PTGER4: variants seen among roughly 807,000 people sequenced by gnomAD.
PTGER4 encodes prostaglandin E2 receptor EP4 subtype.
In PTGER4, 11 loss-of-function variants were observed where a neutral mutation model predicts 33.2. That is an observed-to-expected ratio of 0.33 (90% confidence interval 0.21 to 0.55). The LOEUF is 0.55. Ranked by LOEUF, PTGER4 falls within the 20% of genes least tolerant of loss-of-function variation. PTGER4 has a pLI of 0.92. For missense variants in PTGER4, 481 were observed against 650.2 expected (o/e 0.74, Z 2.83); for synonymous variants, 275 against 281.5 (o/e 0.98, Z 0.23).
At chr5:40,697,195 GAAAA>G (rs1284927798), downstream of PTGER4, among the ~76,000 whole-genome samples, 6 of 128,794 alleles carry the variant, frequency 4.7e-5, no homozygotes, top group East Asian at 1.1e-3. Flanking sequence ...AAGAAAGAAA[GAAAA>G]GAAAGAAAGA....
chr5:40,739,689 T>C, the PTGER4 span, among the ~76,000 whole-genome samples: 1 of 152,220 alleles, frequency 6.6e-6, no homozygotes, highest in Non-Finnish European at 1.5e-5. Context: ...GCCAACATTA[T>C]GCTTCCTATG....
downstream of PTGER4, among the ~76,000 whole-genome samples, chr5:40,694,637 C>T (rs892033713): frequency 1.3e-5 from 2 of 150,094 alleles, no homozygotes; most frequent in Non-Finnish European, 2.9e-5. Context: ...CTTATAAGGA[C>T]ACTAGTCATA....
chr5:40,698,229 G>T (rs1333954947), downstream of PTGER4, among the ~76,000 whole-genome samples: 1 of 151,156 alleles, frequency 6.6e-6, no homozygotes, highest in African/African-American at 2.4e-5. Flanking sequence ...AGTGAGCTAA[G>T]ATGGTGCCAC....
intron 2 of PTGER4, among the ~76,000 whole-genome samples, chr5:40,690,348 A>G (rs1741437536): frequency 6.6e-6 from 1 of 152,196 alleles, no homozygotes; most frequent in African/African-American, 2.4e-5. Context: ...TCAAAAATAT[A>G]TATACATGTA....
chr5:40,713,077 CA>C, the PTGER4 span, among the ~76,000 whole-genome samples: 1 of 151,902 alleles, frequency 6.6e-6, no homozygotes, highest in Non-Finnish European at 1.5e-5. Context: ...TCAAATACAT[CA>C]GTTTAATAAT....
In PTGER4 at chr5:40,680,960, T is replaced by G. The variant is rs755958557; in HGVS notation, c.-34T>G. ...CTTCTACCATCCCCAGACCCAGCCT[T>G]GCACTCCAAGGCTGCGCACCGCCAG... On this transcript the variant is annotated 5_prime_UTR_variant, in exon 2 of 3. Transcript: ENST00000302472. This position sits in a 1 kb window ranked among gnomAD's most constrained non-coding sequence, Gnocchi z 5.5. The G allele has an allele frequency of 3.8e-6, 6 of 1,574,038 alleles. No individual in the cohort carries two copies. Among genetic ancestry groups the G allele is most frequent in the Non-Finnish European group, 5.2e-6 (6 of 1,159,398 alleles).
intron 2 of PTGER4, among the ~76,000 whole-genome samples, chr5:40,690,657 T>G (rs1286482845): frequency 6.6e-6 from 1 of 152,254 alleles, no homozygotes; most frequent in African/African-American, 2.4e-5. Flanking sequence ...GTAAAACTTT[T>G]CAGCATATTC....
At chr5:40,735,687 G>C in the PTGER4 span, among the ~76,000 whole-genome samples, 1 of 152,206 alleles carries the variant, frequency 6.6e-6, no homozygotes, top group Non-Finnish European at 1.5e-5. Flanking sequence ...AGCAAGCAAA[G>C]ATTAAAAAGG....
the PTGER4 span, among the ~76,000 whole-genome samples, chr5:40,700,684 G>A: frequency 6.6e-6 from 1 of 152,150 alleles, no homozygotes; most frequent in East Asian, 1.9e-4. Flanking sequence ...GATGGGGAAG[G>A]AACATAAACA....
chr5:40,685,495 A>T, intron 2 of PTGER4: 1 of 976,258 alleles, frequency 1.0e-6, no homozygotes, highest in Non-Finnish European at 1.2e-6. Flanking sequence ...TATGACTATG[A>T]CAGAATCTAA....
At chr5:40,711,085 G>GTA in the PTGER4 span, among the ~76,000 whole-genome samples, 326 of 150,320 alleles carry the variant, frequency 2.2e-3, 1 homozygote, top group East Asian at 0.026. Context: ...ATAAAAATAT[G>GTA]TATATATATA....
At chr5:40,687,943 C>G (rs768641019) in intron 2 of PTGER4, among the ~76,000 whole-genome samples, 31 of 152,202 alleles carry the variant, frequency 2.0e-4, no homozygotes, top group Non-Finnish European at 4.3e-4. Context: ...TCCATTGCTG[C>G]TGTGGATGAG....
At chr5:40,716,592 T>C in the PTGER4 span, 1 of 788,842 alleles carries the variant, frequency 1.3e-6, no homozygotes. Flanking sequence ...ACTGTACACA[T>C]ACACATCCTA....
At chr5:40,722,370 G>A in the PTGER4 span, among the ~76,000 whole-genome samples, 4 of 149,116 alleles carry the variant, frequency 2.7e-5, no homozygotes, top group South Asian at 2.1e-4. Context: ...GCCGCCCATC[G>A]TCTGGGATGT....
Position 40,692,328 on chromosome 5 carries a change from C to A in PTGER4, c.1417C>A (p.Gln473Lys), listed in dbSNP as rs767926548. The A allele has an allele frequency of 6.2e-7, 1 of 1,608,750 alleles. No homozygotes were observed. ...GCCTGCCCCTAAGGGGAGCTCCCTGCAAGTCACATTTCCCAGTGAAACACT... is the reference window on the plus strand; with the variant it reads ...GCCTGCCCCTAAGGGGAGCTCCCTGAAAGTCACATTTCCCAGTGAAACACT... ...AGPAPKGSSL[Q>K]VTFPSETLNL... Residue 473 changes from glutamine (Q) to lysine (K), a missense_variant, in exon 3 of 3, where the codon CAA (glutamine) becomes AAA (lysine). By Grantham distance (53) the Gln-to-Lys change is moderately conservative (BLOSUM62 1). Transcript: ENST00000302472.
the PTGER4 span, among the ~76,000 whole-genome samples, chr5:40,746,070 GAC>G: frequency 2.0e-5 from 3 of 152,210 alleles, no homozygotes; most frequent in Non-Finnish European, 4.4e-5. Context: ...ATTAGATACA[GAC>G]ACAGTTTTAT....
chr5:40,738,504 C>CAATAA, the PTGER4 span, among the ~76,000 whole-genome samples: 126 of 102,632 alleles, frequency 1.2e-3, 2 homozygotes, highest in African/African-American at 3.9e-3. Context: ...CAATACAATA[C>CAATAA]AATAAAATAC....
chr5:40,686,405 C>T (rs1189669634), intron 2 of PTGER4, among the ~76,000 whole-genome samples: 2 of 152,218 alleles, frequency 1.3e-5, no homozygotes, highest in Non-Finnish European at 2.9e-5. Context: ...CTCTAAGCTA[C>T]AGTTTTCAAA....
chr5:40,722,819 G>A, the PTGER4 span, among the ~76,000 whole-genome samples: 1 of 150,362 alleles, frequency 6.7e-6, no homozygotes, highest in East Asian at 2.0e-4. Flanking sequence ...GGGAGGTGGG[G>A]GGCGCAGCCC....
Sources: gnomAD v4.1 joint callset for allele counts (sites outside exome capture counted in the v4.1 genomes callset) on GRCh38, gnomAD v4.1.1 for gene constraint, Gnocchi (gnomAD v3.1) non-coding constraint, MANE v1.5 for transcripts, NCBI Gene and HGNC (gene_info 2026-07-23, HGNC 2026-07-21) for gene names.